Variants in SPATA6 observed in about 807,000 individuals in gnomAD.
SPATA6 encodes spermatogenesis associated 6, also known as spermatogenesis-associated protein 6.
A neutral mutation model predicts 65.3 loss-of-function variants in SPATA6; 56 were observed. That is an observed-to-expected ratio of 0.86 (90% CI 0.69 to 1.07). SPATA6 has a LOEUF of 1.07. Ranked by LOEUF, SPATA6 falls within the 50% of genes least tolerant of loss-of-function variation. The pLI is 0.00. For missense variants in SPATA6, 590 were observed against 594.8 expected (o/e 0.99, Z 0.08); for synonymous variants, 199 against 213.2 (o/e 0.93, Z 0.58).
At chr1:48,463,880 A>G (rs969970342) in intron 1 of SPATA6, among the ~76,000 whole-genome samples, 3 of 152,196 alleles carry the variant, frequency 2.0e-5, no homozygotes, top group Admixed American at 2.0e-4. Flanking sequence ...AAAATAGAGT[A>G]AAAACTGTAC....
chr1:48,331,743 CAAG>C (rs35906521), intron 11 of SPATA6, among the ~76,000 whole-genome samples: 47,053 of 151,920 alleles, frequency 0.31, 8,903 homozygotes, highest in Middle Eastern at 0.44. Context: ...AGATATTTCA[CAAG>C]AAGATCATCC....
intron 3 of SPATA6, among the ~76,000 whole-genome samples, chr1:48,428,813 A>ATATATG (rs1553169261): frequency 1.7e-4 from 10 of 57,862 alleles, no homozygotes; most frequent in African/African-American, 3.6e-4. Context: ...GTGTGTGTAT[A>ATATATG]TGTATATATA....
chr1:48,373,826 T>G (rs970940759), intron 9 of SPATA6, among the ~76,000 whole-genome samples: 1 of 152,170 alleles, frequency 6.6e-6, no homozygotes, highest in African/African-American at 2.4e-5. Context: ...ATTAGGAGAA[T>G]AGCATGGGAA....
At chr1:48,365,358 G>T (rs1450251172) in intron 9 of SPATA6, among the ~76,000 whole-genome samples, 2 of 152,204 alleles carry the variant, frequency 1.3e-5, no homozygotes, top group Admixed American at 1.3e-4. Context: ...AGCTTGATGG[G>T]GGTGGCATTG....
intron 4 of SPATA6, among the ~76,000 whole-genome samples, chr1:48,412,289 T>G (rs1440848170): frequency 6.6e-6 from 1 of 152,184 alleles, no homozygotes; most frequent in East Asian, 1.9e-4. Context: ...ACTGTAACAT[T>G]TACTACATAA....
intron 11 of SPATA6, among the ~76,000 whole-genome samples, chr1:48,326,752 G>T (rs1278264709): frequency 6.6e-6 from 1 of 152,008 alleles, no homozygotes; most frequent in Non-Finnish European, 1.5e-5. Flanking sequence ...AAACAATGGG[G>T]AAAGGACACC....
intron 6 of SPATA6, 67 bp from the exon 7 acceptor site, chr1:48,399,711 A>C: frequency 7.1e-7 from 1 of 1,404,716 alleles, no homozygotes; most frequent in Non-Finnish European, 9.5e-7. Context: ...GGTGGGGAAA[A>C]AATTAAAAAG....
At chr1:48,342,660 T>A (rs1646253760) in intron 11 of SPATA6, among the ~76,000 whole-genome samples, 1 of 151,056 alleles carries the variant, frequency 6.6e-6, no homozygotes, top group Non-Finnish European at 1.5e-5. Flanking sequence ...TTATAAAACA[T>A]TCAAAAACAA....
At chr1:48,413,692 C>T (rs1408188135) in intron 3 of SPATA6, among the ~76,000 whole-genome samples, 2 of 151,944 alleles carry the variant, frequency 1.3e-5, no homozygotes, top group East Asian at 1.9e-4. Context: ...ACAACTTGAG[C>T]GTTAGGGGCA....
chr1:48,365,642 T>C (rs1646979771), intron 9 of SPATA6, among the ~76,000 whole-genome samples: 1 of 152,180 alleles, frequency 6.6e-6, no homozygotes, highest in Non-Finnish European at 1.5e-5. Context: ...TGTACATTGA[T>C]TTTGTATCCT....
rs902855419 is a variant in SPATA6, at chr1:48,333,855, T to C, written c.1194+21815A>G. ...TACAAAAGATAAACAAATCTAGGAA[T>C]TGGTTTCTTGAAAAAATTAATAAGA... On this transcript the variant is annotated intron_variant, in intron 11 of 12. Transcript: ENST00000371847. Among the ~76,000 whole-genome samples, 5 of 151,990 alleles carry C rather than the reference T, an allele frequency of 3.3e-5. No homozygotes were observed. The East Asian group carries it at 7.7e-4, about 23-fold the overall frequency.
At chr1:48,357,738 G>C (rs1181393111) in intron 10 of SPATA6, among the ~76,000 whole-genome samples, 1 of 152,038 alleles carries the variant, frequency 6.6e-6, no homozygotes, top group African/African-American at 2.4e-5. Context: ...GTGTTGAAAA[G>C]AATAAAATTT....
chr1:48,281,052 C>T, the SPATA6 span, among the ~76,000 whole-genome samples: 1 of 152,116 alleles, frequency 6.6e-6, no homozygotes, highest in Admixed American at 6.6e-5. Context: ...TAAACATAAT[C>T]CAGCATATAA....
chr1:48,394,292 T>G (rs1396666061), intron 8 of SPATA6, among the ~76,000 whole-genome samples: 2 of 152,126 alleles, frequency 1.3e-5, no homozygotes, highest in Admixed American at 1.3e-4. Context: ...CTGGCAAATA[T>G]GTAATCGTCA....
At chr1:48,398,435 G>A (rs1650812181) in intron 7 of SPATA6, among the ~76,000 whole-genome samples, 1 of 151,314 alleles carries the variant, frequency 6.6e-6, no homozygotes. Flanking sequence ...ACCACCAAAG[G>A]GGCATATTTA....
chr1:48,285,620 A>C, the SPATA6 span, among the ~76,000 whole-genome samples: 1 of 152,124 alleles, frequency 6.6e-6, no homozygotes, highest in Non-Finnish European at 1.5e-5. Context: ...ATCATAGTAA[A>C]AGAATAGTAT....
At position 48,307,941 on chromosome 1, in the gene SPATA6, T is replaced by G. The variant is rs1167669861; in HGVS notation, c.1195-2063A>C. Among the ~76,000 whole-genome samples the G allele has an allele frequency of 9.2e-5, 14 of 152,086 alleles. No homozygotes were observed. The East Asian group carries it at 2.7e-3, about 29-fold the overall frequency. On this transcript the variant is annotated intron_variant, in intron 11 of 12. Transcript: ENST00000371847. ...ATTCTCTTATGCTGAATGCTATGCT[T>G]TTGTTTTCTTTTACACTGAACTTAT...
At chr1:48,288,251 GTTTTC>G in the SPATA6 span, among the ~76,000 whole-genome samples, 1 of 152,158 alleles carries the variant, frequency 6.6e-6, no homozygotes, top group Non-Finnish European at 1.5e-5. Flanking sequence ...GATATTGGCT[GTTTTC>G]TTTTCTTGAA....
chr1:48,435,837 C>T (rs1654886877), intron 3 of SPATA6: 2 of 1,015,882 alleles, frequency 2.0e-6, no homozygotes, highest in Non-Finnish European at 3.0e-6. Context: ...CCGCTGGCAG[C>T]CTGAAGAGAG....
Sources: gnomAD v4.1 joint callset for allele counts (sites outside exome capture counted in the v4.1 genomes callset) on GRCh38, gnomAD v4.1.1 for gene constraint, MANE v1.5 for transcripts, NCBI Gene and HGNC (gene_info 2026-07-23, HGNC 2026-07-21) for gene names.